The following SGCZ variants were observed in gnomAD, a reference collection of about 807,000 sequenced individuals.
SGCZ encodes sarcoglycan zeta, also known as zeta-sarcoglycan.
SGCZ carries 40 observed loss-of-function variants against 41.3 expected under a neutral mutation model. The observed-to-expected ratio is 0.97, with a 90% confidence interval of 0.75 to 1.26. The LOEUF (loss-of-function observed/expected upper bound fraction) is 1.26, where lower values mean the gene tolerates loss of function less well. Among genes scored for constraint, SGCZ ranks in the 50% most tolerant of loss-of-function variants. SGCZ has a pLI of 0.00. For missense variants in SGCZ, 552 were observed against 369.8 expected (o/e 1.49, Z -4.04); for synonymous variants, 206 against 137.5 (o/e 1.50, Z -3.49).
chr8:14,147,794 G>T (rs1039904403), intron 5 of SGCZ, among the ~76,000 whole-genome samples: 2 of 152,084 alleles, frequency 1.3e-5, no homozygotes, highest in East Asian at 3.9e-4. Flanking sequence ...ATCAGGGATA[G>T]ACTATATGTT....
chr8:14,457,624 A>T (rs1800786340), intron 2 of SGCZ, among the ~76,000 whole-genome samples: 1 of 152,228 alleles, frequency 6.6e-6, no homozygotes, highest in Non-Finnish European at 1.5e-5. Flanking sequence ...TCTGCCTTCC[A>T]GATAGCAGTA....
At chr8:14,883,726 GC>G (rs1347408302) in intron 1 of SGCZ, among the ~76,000 whole-genome samples, 1 of 150,162 alleles carries the variant, frequency 6.7e-6, no homozygotes, top group Non-Finnish European at 1.5e-5. Context: ...CTTTGACCTG[GC>G]CTGGAGTTCA....
chr8:14,629,798 T>C (rs1381168127), intron 1 of SGCZ, among the ~76,000 whole-genome samples: 4 of 152,066 alleles, frequency 2.6e-5, no homozygotes, highest in African/African-American at 4.8e-5. Context: ...ACTATTAATA[T>C]GTAAAATTGA....
At chr8:15,217,295 T>A (rs534859666) in intron 1 of SGCZ, among the ~76,000 whole-genome samples, 1 of 151,522 alleles carries the variant, frequency 6.6e-6, no homozygotes, top group South Asian at 2.1e-4. Context: ...CGGGCGCCTG[T>A]AGTCCCAGCT....
At chr8:14,227,106 T>C (rs1400470697) in intron 4 of SGCZ, among the ~76,000 whole-genome samples, 2 of 152,060 alleles carry the variant, frequency 1.3e-5, no homozygotes, top group Non-Finnish European at 2.9e-5. Flanking sequence ...GGAGGTGGAA[T>C]CATAAGGACC....
intron 1 of SGCZ, among the ~76,000 whole-genome samples, chr8:15,083,532 T>C (rs1477126287): frequency 6.6e-6 from 1 of 152,148 alleles, no homozygotes; most frequent in East Asian, 1.9e-4. Context: ...GCTATTTCTA[T>C]ATATGAGAAA....
intron 1 of SGCZ, among the ~76,000 whole-genome samples, chr8:14,773,919 C>G (rs1450662195): frequency 6.6e-6 from 1 of 152,138 alleles, no homozygotes; most frequent in Non-Finnish European, 1.5e-5. Flanking sequence ...TATTTTTTCA[C>G]AGGCAATTAT....
At chr8:15,171,982 C>T (rs1043406081) in intron 1 of SGCZ, among the ~76,000 whole-genome samples, 2 of 152,112 alleles carry the variant, frequency 1.3e-5, no homozygotes, top group Non-Finnish European at 2.9e-5. Context: ...CCCTTGATCC[C>T]TTCAACATTA....
At chr8:14,278,256 G>C (rs1203397638) in intron 3 of SGCZ, among the ~76,000 whole-genome samples, 1 of 152,082 alleles carries the variant, frequency 6.6e-6, no homozygotes, top group African/African-American at 2.4e-5. Flanking sequence ...CCCTCTTTGA[G>C]TGTCACATTT....
intron 1 of SGCZ, among the ~76,000 whole-genome samples, chr8:14,634,735 A>G (rs1433673544): frequency 6.6e-6 from 1 of 151,846 alleles, no homozygotes. Context: ...AAAATTCCAT[A>G]AACTTTTCCT....
intron 1 of SGCZ, among the ~76,000 whole-genome samples, chr8:14,702,878 T>C (rs906444991): frequency 7.7e-6 from 1 of 130,144 alleles, no homozygotes; most frequent in East Asian, 2.3e-4. Context: ...GATAGATAGA[T>C]AGATAAAAAG....
intron 1 of SGCZ, among the ~76,000 whole-genome samples, chr8:14,683,924 A>T (rs1808525996): frequency 6.6e-6 from 1 of 152,090 alleles, no homozygotes; most frequent in Admixed American, 6.5e-5. Context: ...AAGATGCATG[A>T]TTTTTCACAT....
intron 1 of SGCZ, among the ~76,000 whole-genome samples, chr8:14,734,134 C>T (rs1428613716): frequency 6.6e-6 from 1 of 152,152 alleles, no homozygotes; most frequent in Non-Finnish European, 1.5e-5. Flanking sequence ...AACTGCAGGG[C>T]TCTGACATAT....
At chr8:15,209,552 G>C (rs1253429321) in intron 1 of SGCZ, among the ~76,000 whole-genome samples, 1 of 60,020 alleles carries the variant, frequency 1.7e-5, no homozygotes, top group African/African-American at 5.2e-5. Context: ...GAATGAAAGA[G>C]AAAAGAAGCC....
intron 2 of SGCZ, among the ~76,000 whole-genome samples, chr8:14,419,868 G>A (rs1400850255): frequency 6.6e-6 from 1 of 151,980 alleles, no homozygotes; most frequent in African/African-American, 2.4e-5. Flanking sequence ...CAATCTTTAT[G>A]CCGAAATTAT....
chr8:15,078,244 A>T (rs1019914651), intron 1 of SGCZ, among the ~76,000 whole-genome samples: 1 of 146,824 alleles, frequency 6.8e-6, no homozygotes, highest in African/African-American at 2.6e-5. Context: ...GTCATGAGAC[A>T]AGAACCCAGA....
intron 1 of SGCZ, among the ~76,000 whole-genome samples, chr8:14,751,312 C>T (rs930740042): frequency 2.2e-4 from 33 of 152,142 alleles, no homozygotes; most frequent in Admixed American, 6.5e-5. Context: ...GCAGCCACTA[C>T]ACACTTAGAA....
intron 1 of SGCZ, among the ~76,000 whole-genome samples, chr8:14,619,484 AAAG>A (rs1379477044): frequency 7.9e-5 from 12 of 152,306 alleles, no homozygotes; most frequent in African/African-American, 2.9e-4. Flanking sequence ...TCAATTAGGA[AAAG>A]AAGAAGTCAA....
intron 2 of SGCZ, among the ~76,000 whole-genome samples, chr8:14,480,904 T>A: frequency 6.6e-6 from 1 of 151,938 alleles, no homozygotes; most frequent in East Asian, 1.9e-4. Context: ...CTTAAAAGTT[T>A]GAAAAAAGAA....
Sources: gnomAD v4.1 joint callset for allele counts (sites outside exome capture counted in the v4.1 genomes callset) on GRCh38, gnomAD v4.1.1 for gene constraint, MANE v1.5 for transcripts, NCBI Gene and HGNC (gene_info 2026-07-23, HGNC 2026-07-21) for gene names.